Variants in CHAF1A observed in about 807,000 individuals in gnomAD.
CHAF1A encodes chromatin assembly factor 1 subunit A, also known as CAF-1 subunit A.
A neutral mutation model predicts 93.2 loss-of-function variants in CHAF1A; 5 were observed. The observed-to-expected ratio is 0.05, with a 90% confidence interval of 0.03 to 0.11. The LOEUF (loss-of-function observed/expected upper bound fraction) is 0.11, where lower values mean the gene tolerates loss of function less well. Ranked by LOEUF, CHAF1A falls within the 10% of genes least tolerant of loss-of-function variation. The pLI, the probability that CHAF1A is intolerant of heterozygous loss-of-function variation, is 1.00. For synonymous variants in CHAF1A, 504 were observed against 510.3 expected, an observed-to-expected ratio of 0.99 and a Z score of 0.17; for missense variants, 1,102 against 1,259.9, an observed-to-expected ratio of 0.87 and a Z score of 1.90.
At chr19:4,409,851 AGAGT>A (rs1973760701) in intron 3 of CHAF1A, 92 bp downstream of exon 3, 2 of 1,450,452 alleles carry the variant, frequency 1.4e-6, no homozygotes, top group African/African-American at 2.8e-5. Flanking sequence ...GTTTTGTGGC[AGAGT>A]GAGCGGGGCC....
downstream of CHAF1A, chr19:4,447,076 C>T: frequency 1.5e-6 from 1 of 677,260 alleles, no homozygotes; most frequent in South Asian, 1.9e-5. Context: ...TGGATGCAAA[C>T]CTGCTTTTCT....
In CHAF1A at chr19:4,433,162, C is replaced by T; in HGVS notation, c.2296C>T (p.Leu766Phe). 3 of 1,613,848 alleles carry T rather than the reference C, an allele frequency of 1.9e-6. No individual in the cohort carries two copies. The highest frequency in any genetic ancestry group is 1.1e-5 in the South Asian group (1 of 91,072). The change falls in exon 13 of 15, where the codon CTC becomes TTC. Residue 766 changes from leucine to phenylalanine, a missense_variant. Leu to Phe is a conservative substitution (Grantham distance 22). Around this residue, in one of 6 missense-constraint regions of CHAF1A, gnomAD observed 335 missense variants for 361.9 expected, o/e 0.93. Coordinates refer to ENST00000301280, the MANE Select transcript of CHAF1A (RefSeq NM_005483.3). This position sits in a 1 kb window ranked among gnomAD's most constrained non-coding sequence, Gnocchi z 5.6. ...EFQEHCRRGLLSNHTGSPRSP... is the reference protein window; with the variant it reads ...EFQEHCRRGLFSNHTGSPRSP... ...CCAGGAGCACTGCCGCCGGGGACTG[C>T]TCAGCAACCACACCGGCAGCCCGCG...
downstream of CHAF1A, chr19:4,443,485 T>C: frequency 5.4e-6 from 1 of 186,140 alleles, no homozygotes; most frequent in East Asian, 1.7e-4. Flanking sequence ...GCCTGGTGTC[T>C]GGGGCCAGCC....
At chr19:4,405,520 A>C (rs1262167659) in intron 1 of CHAF1A, among the ~76,000 whole-genome samples, 1 of 151,690 alleles carries the variant, frequency 6.6e-6, no homozygotes, top group African/African-American at 2.4e-5. Context: ...AGGCAGGAGA[A>C]TCGCTTGAAC....
At chr19:4,413,946 G>C (rs1234699132) in intron 3 of CHAF1A, among the ~76,000 whole-genome samples, 1 of 152,202 alleles carries the variant, frequency 6.6e-6, no homozygotes, top group Non-Finnish European at 1.5e-5. Context: ...AATCAGACTT[G>C]TGATTTAGCC....
Position 4,432,094 on chromosome 19 carries a change from C to A in CHAF1A, c.2090C>A (p.Ala697Glu). 2 of 1,614,040 alleles carry A rather than the reference C, an allele frequency of 1.2e-6. No homozygotes were observed. Among genetic ancestry groups the A allele is most frequent in the Non-Finnish European group, 1.7e-6 (2 of 1,180,022 alleles). ...GTGTGGGCGGCTGACAGAGACTGCG[C>A]AGGCGATGACCTGAAGGTACTGCAG... The part of the protein sequence containing the change: ...GCVWAADRDC[A>E]GDDLKVLQQF... Residue 697 changes from alanine (A) to glutamate (E), a missense_variant, in exon 12 of 15, where the codon GCA becomes GAA. Ala to Glu is a moderately radical substitution (Grantham distance 107, BLOSUM62 -1). This residue lies in a region of CHAF1A where 335 missense variants were observed against 361.9 expected (regional missense o/e 0.93). Coordinates refer to ENST00000301280, the MANE Select transcript of CHAF1A (RefSeq NM_005483.3).
downstream of CHAF1A, chr19:4,446,226 G>A (rs369387765): frequency 1.2e-4 from 194 of 1,578,904 alleles, no homozygotes; most frequent in Non-Finnish European, 1.6e-4. Flanking sequence ...AGAGCGGGTG[G>A]GGCCCAGGGC....
chr19:4,423,345 G>A lies in CHAF1A; in HGVS notation c.1258G>A (p.Glu420Lys). 6.2e-7 allele frequency: 1 copy of A among 1,614,038 alleles called. No homozygotes were observed. The highest frequency in any genetic ancestry group is 1.3e-5 in the African/African-American group (1 of 75,022). The change falls in exon 6 of 15, where the codon GAG becomes AAG. Residue 420 changes from glutamate (E) to lysine (K), a missense_variant. By Grantham distance (56) the Glu-to-Lys change is moderately conservative (BLOSUM62 1). Transcript: ENST00000301280. ...TTTGCTGTCTCACAGGGCTAAACTT[G>A]AGGAAAAAAGGAAAAAGGAAGAAGA... ...ERQEALEAKL[E>K]EKRKKEEEKR...
intron 7 of CHAF1A, among the ~76,000 whole-genome samples, chr19:4,428,177 A>G (rs1332121947): frequency 3.4e-5 from 5 of 147,276 alleles, no homozygotes; most frequent in African/African-American, 1.3e-4. Context: ...TTTTTAGTAG[A>G]GATGGGGTTT....
At position 4,411,644 on chromosome 19, in the gene CHAF1A, C is replaced by CTTTTTTTT. The variant is rs66491258; in HGVS notation, c.960+1899_960+1906dup. On this transcript the variant is annotated intron_variant, in intron 3 of 14. Coordinates refer to ENST00000301280, the MANE Select transcript of CHAF1A (RefSeq NM_005483.3). ...GAAATGTTGTAAAAATGGTGCAAAT[C>CTTTTTTTT]TTTTTTTTTTTTTTTTTTTTTGAGA... 1.5e-3 allele frequency among the ~76,000 whole-genome samples: 73 copies of CTTTTTTTT among 48,176 alleles called. 12 individuals are homozygous for CTTTTTTTT. Among genetic ancestry groups the CTTTTTTTT allele is most frequent in the African/African-American group, 4.2e-3 (53 of 12,636 alleles). The allele number at this position is 48,176 out of a possible 152,430, so 31.6% of individuals were successfully genotyped here.
chr19:4,447,543 C>T (rs201700000), downstream of CHAF1A: 88 of 1,613,170 alleles, frequency 5.5e-5, no homozygotes, highest in East Asian at 5.1e-4. Flanking sequence ...CCAGAAGGCA[C>T]GCCCACCTGA....
intron 2 of CHAF1A, 25 bp from the exon 3 acceptor site, chr19:4,408,878 A>G: frequency 6.3e-7 from 1 of 1,577,910 alleles, no homozygotes; most frequent in Non-Finnish European, 8.6e-7. Flanking sequence ...CGTTCACTAG[A>G]GATGGCTTTC....
At chr19:4,429,103 C>T (rs1303827865) in intron 8 of CHAF1A, 29 of 595,146 alleles carry the variant, frequency 4.9e-5, no homozygotes, top group South Asian at 2.1e-4. Flanking sequence ...CCCAGCTCCT[C>T]GTGGAGGAAT....
At chr19:4,412,908 A>T (rs1259445547) in intron 3 of CHAF1A, among the ~76,000 whole-genome samples, 1 of 152,184 alleles carries the variant, frequency 6.6e-6, no homozygotes, top group Non-Finnish European at 1.5e-5. Flanking sequence ...CTATGAGGGA[A>T]GCGATTATCG....
At chr19:4,430,695 G>A in intron 11 of CHAF1A, 54 bp downstream of exon 11, 2 of 1,593,186 alleles carry the variant, frequency 1.3e-6, no homozygotes, top group Non-Finnish European at 1.7e-6. Flanking sequence ...TTTCTGGACT[G>A]GTGCTCAGTG....
rs571638734 is a variant in CHAF1A, at chr19:4,411,802, C to G, written c.960+2043C>G. 8.6e-5 allele frequency among the ~76,000 whole-genome samples: 13 copies of G among 151,840 alleles called. No homozygotes were observed. In the South Asian group the frequency reaches 2.7e-3, roughly 32 times the overall value. ...AGCTGGGATTACAGGTGCCCACCAC[C>G]ACGCCTGGCTAATTTTTGTATCTTT... On this transcript the variant is annotated intron_variant, in intron 3 of 14. Transcript: ENST00000301280.
intron 3 of CHAF1A, among the ~76,000 whole-genome samples, chr19:4,412,666 C>T (rs545095619): frequency 1.7e-4 from 26 of 152,328 alleles, no homozygotes; most frequent in Middle Eastern, 3.4e-3. Flanking sequence ...CAATCCTGCC[C>T]GCTTTCTAAA....
chr19:4,423,691 T>C, intron 6 of CHAF1A, 115 bp from the exon 7 acceptor site: 3 of 1,080,638 alleles, frequency 2.8e-6, no homozygotes, highest in Non-Finnish European at 4.2e-6. Context: ...AAAATCACAG[T>C]AGTGCCTTCA....
downstream of CHAF1A, chr19:4,445,446 C>T (rs1974485916): frequency 2.5e-6 from 4 of 1,609,548 alleles, no homozygotes; most frequent in Non-Finnish European, 1.7e-6. Context: ...GGGAGAGGAA[C>T]AGGGAGAGCA....
Sources: gnomAD v4.1 joint callset for allele counts (sites outside exome capture counted in the v4.1 genomes callset) on GRCh38, gnomAD v4.1.1 for gene constraint, gnomAD v4.1.1 regional missense constraint, Gnocchi (gnomAD v3.1) non-coding constraint, MANE v1.5 for transcripts, NCBI Gene and HGNC (gene_info 2026-07-23, HGNC 2026-07-21) for gene names.